The following GRIN2D variants were observed in gnomAD, a reference collection of about 807,000 sequenced individuals.
GRIN2D encodes glutamate ionotropic receptor NMDA type subunit 2D, also known as glutamate receptor ionotropic, NMDA 2D.
Under a neutral mutation model 103.2 loss-of-function variants are expected in GRIN2D, and 37 were observed. The observed-to-expected ratio is 0.36, with a 90% CI of 0.28 to 0.47. The LOEUF (loss-of-function observed/expected upper bound fraction) is 0.47, where lower values mean the gene tolerates loss of function less well. GRIN2D is among the 20% of genes least tolerant of loss of function. GRIN2D has a pLI of 1.00. For synonymous variants in GRIN2D, 845 were observed against 885.6 expected (o/e 0.95, Z 0.81); for missense variants, 1,557 against 1,910.6 (o/e 0.81, Z 3.45).
chr19:48,403,991 G>A (rs1022728526), intron 3 of GRIN2D, among the ~76,000 whole-genome samples: 1 of 152,182 alleles, frequency 6.6e-6, no homozygotes, highest in African/African-American at 2.4e-5. Context: ...TGTAATTCCA[G>A]CACTTTGGGA....
At chr19:48,403,814 C>G (rs1970747559) in intron 3 of GRIN2D, among the ~76,000 whole-genome samples, 1 of 152,224 alleles carries the variant, frequency 6.6e-6, no homozygotes, top group African/African-American at 2.4e-5. Flanking sequence ...GAACCAGTCC[C>G]TCTCAGTGGC....
rs1444508985 is a variant in GRIN2D, at chr19:48,405,658, G to A, written c.1085+305G>A. ...ATGACTTATCATGGCTTAATTGGCAGCACTTTTGTCTTTCTTTGTGGTACA... is the reference window on the plus strand; with the variant it reads ...ATGACTTATCATGGCTTAATTGGCAACACTTTTGTCTTTCTTTGTGGTACA... On this transcript the variant is annotated intron_variant, in intron 4 of 13. Coordinates refer to ENST00000263269, the MANE Select transcript of GRIN2D (RefSeq NM_000836.4). This position sits in a 1 kb window ranked among gnomAD's most constrained non-coding sequence, Gnocchi z 5.1. Among the ~76,000 whole-genome samples, 2 of 152,192 alleles carry A rather than the reference G, an allele frequency of 1.3e-5. No individual in the cohort carries two copies. The highest frequency in any genetic ancestry group is 2.9e-5 in the Non-Finnish European group (2 of 68,042).
intron 2 of GRIN2D, among the ~76,000 whole-genome samples, chr19:48,398,041 C>G (rs1216063100): frequency 1.3e-5 from 2 of 151,544 alleles, no homozygotes; most frequent in African/African-American, 2.4e-5. Flanking sequence ...CTGTCTCTCC[C>G]TCTGTCTCTG....
rs1022510703 is a variant in GRIN2D at position 48,419,170 on chromosome 19, C to T, written c.1736-64C>T. 2.6e-6 allele frequency: 4 copies of T among 1,542,258 alleles called. No homozygotes were observed. In the East Asian group the frequency reaches 6.9e-5, roughly 26 times the overall value. ...CTGGGAGTACAGGCGTGAGGCACCG[C>T]CCCAGCCTGATCCCCGAGTCTTTTG... On this transcript the variant is annotated intron_variant, in intron 8 of 13. Coordinates refer to ENST00000263269, the MANE Select transcript of GRIN2D (RefSeq NM_000836.4).
In GRIN2D at chr19:48,442,648, C is replaced by A. The variant is rs1326749704; in HGVS notation, c.2722C>A (p.Pro908Thr). The change falls in exon 14 of 14, where the codon CCC becomes ACC. Residue 908 changes from proline (P) to threonine (T), a missense_variant. Pro to Thr is a conservative substitution (Grantham distance 38). This residue lies in a region of GRIN2D where 632 missense variants were observed against 572.8 expected (regional missense o/e 1.10). Coordinates refer to ENST00000263269, the MANE Select transcript of GRIN2D (RefSeq NM_000836.4). This position sits in a 1 kb window ranked among gnomAD's most constrained non-coding sequence, Gnocchi z 7.2. Reference protein sequence around the residue: ...SAEAAPPPAKPPPPPQPLPSP... With the variant: ...SAEAAPPPAKTPPPPQPLPSP... ...TGAGGCCGCCCCACCGCCCGCCAAGCCCCCGCCGCCGCCACAGCCCCTGCC... is the reference window on the plus strand; with the variant it reads ...TGAGGCCGCCCCACCGCCCGCCAAGACCCCGCCGCCGCCACAGCCCCTGCC... 4 of 1,479,088 alleles carry A rather than the reference C, an allele frequency of 2.7e-6. No individual in the cohort carries two copies. The highest frequency in any genetic ancestry group is 2.8e-5 in the African/African-American group (2 of 70,828). 91.6% of individuals were successfully genotyped at this position (1,479,088 alleles called of 1,614,324 possible). A position where few individuals can be genotyped will look rare whatever the true frequency, so the allele number is the denominator to read the frequency against.
chr19:48,436,448 C>T (rs1437303390), intron 11 of GRIN2D, among the ~76,000 whole-genome samples: 3 of 152,166 alleles, frequency 2.0e-5, no homozygotes, highest in East Asian at 1.9e-4. Context: ...GTAATGATGT[C>T]ATCCCCAGGA....
At chr19:48,412,442 A>G (rs1342698219) in intron 4 of GRIN2D, among the ~76,000 whole-genome samples, 1 of 149,140 alleles carries the variant, frequency 6.7e-6, no homozygotes, top group Non-Finnish European at 1.5e-5. Context: ...AGAAAGAAAG[A>G]AAGAAAGAAA....
chr19:48,398,841 T>A lies in GRIN2D; in HGVS notation c.449T>A (p.Leu150His). Residue 150 changes from leucine to histidine, a missense_variant, in exon 3 of 14, where the codon CTC becomes CAC. Physicochemically the swap from Leu to His is moderately conservative, Grantham distance 99. Around this residue, in one of 7 missense-constraint regions of GRIN2D, gnomAD observed 490 missense variants for 601.1 expected, o/e 0.82. Coordinates refer to ENST00000263269, the MANE Select transcript of GRIN2D (RefSeq NM_000836.4). ...GTGGCCGTGCACGGCGGCGCCGCGC[T>A]CGTGCTCACGCCCAAGGTGCGCGCG... ...PIVAVHGGAA[L>H]VLTPKEKGST... 1.5e-6 allele frequency: 2 copies of A among 1,378,928 alleles called. No individual in the cohort carries two copies. The highest frequency in any genetic ancestry group is 1.9e-6 in the Non-Finnish European group (2 of 1,066,758). The allele number at this position is 1,378,928 out of a possible 1,614,324, so 85.4% of individuals were successfully genotyped here. A position where few individuals can be genotyped will look rare whatever the true frequency, so the allele number is the denominator to read the frequency against.
chr19:48,405,459 C>T lies in GRIN2D; in HGVS notation c.1085+106C>T. On this transcript the variant is annotated intron_variant, in intron 4 of 13. Transcript: ENST00000263269. This position sits in a 1 kb window ranked among gnomAD's most constrained non-coding sequence, Gnocchi z 5.1. ...AATGGGCCACATCTGCTCTTTGAGC[C>T]TCAGTTTTCTTTTCTGTAAAGTGGG... The T allele has an allele frequency of 2.5e-6, 3 of 1,176,926 alleles. No homozygotes were observed. The South Asian group carries it at 5.4e-5, about 21-fold the overall frequency. The allele number at this position is 1,176,926 out of a possible 1,614,324, so 72.9% of individuals were successfully genotyped here.
chr19:48,423,968 A>G (rs1971054399), intron 11 of GRIN2D, among the ~76,000 whole-genome samples: 1 of 151,872 alleles, frequency 6.6e-6, no homozygotes, highest in Admixed American at 6.6e-5. Flanking sequence ...ACAGGCGTGC[A>G]CTACTATGCC....
At chr19:48,428,294 C>G (rs536884303) in intron 11 of GRIN2D, among the ~76,000 whole-genome samples, 49 of 151,732 alleles carry the variant, frequency 3.2e-4, no homozygotes, top group South Asian at 2.3e-3. Context: ...ACCTCAGCTT[C>G]CCAAAGTGCT....
At chr19:48,408,446 C>G (rs1718441743) in intron 4 of GRIN2D, among the ~76,000 whole-genome samples, 1 of 151,934 alleles carries the variant, frequency 6.6e-6, no homozygotes, top group Non-Finnish European at 1.5e-5. Context: ...CTGTAATGAA[C>G]TGTGATCTCT....
At chr19:48,398,078 C>T (rs1970663748) in intron 2 of GRIN2D, among the ~76,000 whole-genome samples, 3 of 151,024 alleles carry the variant, frequency 2.0e-5, no homozygotes, top group Admixed American at 2.0e-4. Flanking sequence ...CTCTCTCTCT[C>T]CGTCTCCCCC....
At position 48,442,100 on chromosome 19, in the gene GRIN2D, G is replaced by A. The variant is rs747672490; in HGVS notation, c.2441-50G>A. ...CCTACATTCCCACATCACAGACAAG[G>A]GTCCTCAGAGGGTACTCATAGCAGG... On this transcript the variant is annotated intron_variant, in intron 12 of 13. Coordinates refer to ENST00000263269, the MANE Select transcript of GRIN2D (RefSeq NM_000836.4). The surrounding 1 kb of genome is among the most constrained non-coding windows in gnomAD (Gnocchi z 7.2). The A allele has an allele frequency of 1.8e-5, 28 of 1,560,472 alleles. No individual in the cohort carries two copies. In the South Asian group the frequency reaches 2.9e-4, roughly 16 times the overall value.
At position 48,409,634 on chromosome 19, in the gene GRIN2D, C is replaced by T. The variant is rs1015183045; in HGVS notation, c.1085+4281C>T. Among the ~76,000 whole-genome samples the T allele has an allele frequency of 3.9e-5, 6 of 151,958 alleles. No homozygotes were observed. The South Asian group carries it at 6.2e-4, about 16-fold the overall frequency. ...ACATCCAAATCATAGCTTGCCTGTTCGGAAGCCTGTTTGGGAGCCTGCACT... is the reference window on the plus strand; with the variant it reads ...ACATCCAAATCATAGCTTGCCTGTTTGGAAGCCTGTTTGGGAGCCTGCACT... On this transcript the variant is annotated intron_variant, in intron 4 of 13. Transcript: ENST00000263269.
Position 48,442,748 on chromosome 19 carries a change from A to T in GRIN2D, c.2822A>T (p.Asp941Val). 9.2e-7 allele frequency: 1 copy of T among 1,088,304 alleles called. No homozygotes were observed. The highest frequency in any genetic ancestry group is 1.1e-6 in the Non-Finnish European group (1 of 896,854). The allele number at this position is 1,088,304 out of a possible 1,614,324, so 67.4% of individuals were successfully genotyped here. ...GTGCCCCGCGAGCGCGCCTCAGTGG[A>T]CCGCTGGCGCCGGACCAAGGGCGCG... is the stretch of plus-strand genomic sequence containing the variant. Reference protein sequence around the residue: ...PFVPRERASVDRWRRTKGAGP... With the variant: ...PFVPRERASVVRWRRTKGAGP... Residue 941 changes from aspartate to valine, a missense_variant, in exon 14 of 14, where the codon GAC becomes GTC. Asp to Val is a radical substitution (Grantham distance 152). Coordinates refer to ENST00000263269, the MANE Select transcript of GRIN2D (RefSeq NM_000836.4). This position sits in a 1 kb window ranked among gnomAD's most constrained non-coding sequence, Gnocchi z 7.2.
chr19:48,442,148 A>G lies in GRIN2D; in HGVS notation c.2441-2A>G. 6.2e-7 allele frequency: 1 copy of G among 1,613,868 alleles called. No homozygotes were observed. The highest frequency in any genetic ancestry group is 8.5e-7 in the Non-Finnish European group (1 of 1,179,746). ...AGGTGACTTTTGACCGCCCCTCCCTAGATGAGATCGAGATGCTGGAGCGGC... is the reference window on the plus strand; with the variant it reads ...AGGTGACTTTTGACCGCCCCTCCCTGGATGAGATCGAGATGCTGGAGCGGC... On this transcript the variant is annotated splice_acceptor_variant, in intron 12 of 13. Transcript: ENST00000263269. LOFTEE classifies it high-confidence loss of function. The surrounding 1 kb of genome is among the most constrained non-coding windows in gnomAD (Gnocchi z 7.2).
chr19:48,428,317 G>A (rs1233913068), intron 11 of GRIN2D, among the ~76,000 whole-genome samples: 1 of 150,186 alleles, frequency 6.7e-6, no homozygotes, highest in Non-Finnish European at 1.5e-5. Context: ...GATTACAGGT[G>A]TGAACCACCG....
At chr19:48,422,525 C>T (rs1016247217) in intron 11 of GRIN2D, among the ~76,000 whole-genome samples, 7 of 151,638 alleles carry the variant, frequency 4.6e-5, no homozygotes, top group Non-Finnish European at 8.8e-5. Context: ...GCAGGAGAAT[C>T]GCTTGAACCT....
Sources: allele counts gnomAD v4.1 joint callset (sites outside exome capture counted in the v4.1 genomes callset), GRCh38; gene constraint gnomAD v4.1.1; regional missense constraint gnomAD v4.1.1; non-coding constraint Gnocchi (gnomAD v3.1); transcripts MANE v1.5; gene names NCBI Gene and HGNC (gene_info 2026-07-23, HGNC 2026-07-21).